TBC1D12: variants seen among roughly 807,000 people sequenced by gnomAD.
The protein encoded by TBC1D12 is TBC1 domain family, member 12.
A neutral mutation model predicts 86.7 loss-of-function variants in TBC1D12; 56 were observed. That is an observed-to-expected ratio of 0.65 (90% CI 0.52 to 0.81). The LOEUF (loss-of-function observed/expected upper bound fraction) is 0.81, where lower values mean the gene tolerates loss of function less well. TBC1D12 is among the 30% of genes least tolerant of loss of function. The probability of loss-of-function intolerance (pLI) is 0.00; values close to 1 mark genes in which losing one functional copy is unlikely to be tolerated. For synonymous variants in TBC1D12, 421 were observed against 411.7 expected, an observed-to-expected ratio of 1.02 and a Z score of -0.27; for missense variants, 1,023 against 1,038.8, an observed-to-expected ratio of 0.98 and a Z score of 0.21.
At chr10:94,523,983 TG>T (rs1204534754) in intron 11 of TBC1D12, among the ~76,000 whole-genome samples, 3 of 152,116 alleles carry the variant, frequency 2.0e-5, no homozygotes, top group African/African-American at 7.2e-5. Flanking sequence ...AAATTATGTA[TG>T]TTGCCAAATC....
intron 2 of TBC1D12, among the ~76,000 whole-genome samples, chr10:94,465,709 TATACGTATACATACATACATAC>T (rs1231687376): frequency 8.3e-6 from 1 of 120,612 alleles, no homozygotes; most frequent in African/African-American, 2.8e-5. Flanking sequence ...CATATATACG[TATACGTATACATACATACATAC>T]ATACGTATAC....
intron 2 of TBC1D12, among the ~76,000 whole-genome samples, chr10:94,448,427 T>C (rs1177313915): frequency 6.6e-6 from 1 of 152,206 alleles, no homozygotes; most frequent in East Asian, 1.9e-4. Flanking sequence ...AAACAATTAT[T>C]TCACTGATGT....
chr10:94,517,793 T>A (rs189615530), intron 9 of TBC1D12, among the ~76,000 whole-genome samples: 18 of 152,362 alleles, frequency 1.2e-4, no homozygotes, highest in African/African-American at 4.3e-4. Flanking sequence ...CACGAAAGTT[T>A]TATCTGTAGA....
intron 2 of TBC1D12, among the ~76,000 whole-genome samples, chr10:94,443,098 A>G (rs894412709): frequency 3.9e-5 from 6 of 152,160 alleles, no homozygotes; most frequent in African/African-American, 1.4e-4. Context: ...TAGCTGTTTA[A>G]CCAGAACCAA....
chr10:94,452,748 C>A (rs1231828208), intron 2 of TBC1D12, among the ~76,000 whole-genome samples: 1 of 152,124 alleles, frequency 6.6e-6, no homozygotes, highest in Non-Finnish European at 1.5e-5. Flanking sequence ...CTCTAGACTT[C>A]TGCGTGCAAT....
At chr10:94,504,947 A>G (rs573795247) in intron 6 of TBC1D12, among the ~76,000 whole-genome samples, 2 of 152,358 alleles carry the variant, frequency 1.3e-5, no homozygotes, top group South Asian at 2.1e-4. Flanking sequence ...TAAGTGTGAC[A>G]TGAGGACCTA....
At chr10:94,518,471 C>T (rs950944199) in intron 9 of TBC1D12, among the ~76,000 whole-genome samples, 3 of 152,098 alleles carry the variant, frequency 2.0e-5, no homozygotes, top group Non-Finnish European at 4.4e-5. Flanking sequence ...AGTTCCTCAG[C>T]CTTTTGTATG....
chr10:94,443,768 C>T (rs2055413319), intron 2 of TBC1D12, among the ~76,000 whole-genome samples: 1 of 152,138 alleles, frequency 6.6e-6, no homozygotes. Flanking sequence ...GTAAAAAAGT[C>T]AGCGTGGGAC....
chr10:94,459,108 TCC>T (rs1173438797), intron 2 of TBC1D12, among the ~76,000 whole-genome samples: 2 of 151,086 alleles, frequency 1.3e-5, no homozygotes, highest in African/African-American at 4.9e-5. Context: ...AGCTGATTGG[TCC>T]ATTTTACAGA....
At chr10:94,520,369 A>T (rs1222715792) in intron 9 of TBC1D12, among the ~76,000 whole-genome samples, 1 of 152,044 alleles carries the variant, frequency 6.6e-6, no homozygotes, top group Non-Finnish European at 1.5e-5. Context: ...CCTGACCAAC[A>T]TGGAGAAACC....
At chr10:94,531,066 G>A in intron 11 of TBC1D12, 136 bp from the exon 12 acceptor site, 3 of 981,626 alleles carry the variant, frequency 3.1e-6, no homozygotes, top group Non-Finnish European at 4.4e-6. Flanking sequence ...CACCGTGTTG[G>A]CCAGGATGGG....
At chr10:94,493,793 A>G (rs1433091005) in intron 4 of TBC1D12, among the ~76,000 whole-genome samples, 1 of 152,056 alleles carries the variant, frequency 6.6e-6, no homozygotes, top group Non-Finnish European at 1.5e-5. Flanking sequence ...TATTTTTATA[A>G]TTAAGTTTGT....
chr10:94,507,085 A>G (rs2056469210), intron 6 of TBC1D12, among the ~76,000 whole-genome samples, 182 bp from the exon 7 acceptor site: 2 of 152,132 alleles, frequency 1.3e-5, no homozygotes, highest in Non-Finnish European at 2.9e-5. Flanking sequence ...AATTTTATTT[A>G]CTTTCTTTCT....
At chr10:94,450,608 G>C (rs77208533) in intron 2 of TBC1D12, among the ~76,000 whole-genome samples, 2,125 of 152,134 alleles carry the variant, frequency 0.014, 50 homozygotes, top group East Asian at 0.06. Context: ...ATTCTGGAGG[G>C]ATTATAGGAG....
chr10:94,465,672 G>GTGTGTA (rs2055798628), intron 2 of TBC1D12, among the ~76,000 whole-genome samples: 1 of 44,424 alleles, frequency 2.3e-5, no homozygotes, highest in African/African-American at 6.0e-5. Context: ...ATATATATAT[G>GTGTGTA]TGTGTGTGTG....
At chr10:94,448,095 C>T (rs1249191680) in intron 2 of TBC1D12, among the ~76,000 whole-genome samples, 1 of 151,796 alleles carries the variant, frequency 6.6e-6, no homozygotes, top group African/African-American at 2.4e-5. Flanking sequence ...TTTTGACAGG[C>T]AAGGAAAAAA....
intron 6 of TBC1D12, among the ~76,000 whole-genome samples, chr10:94,506,299 A>G (rs2134198755): frequency 6.6e-6 from 1 of 152,326 alleles, no homozygotes. Context: ...TCGGCCTCCC[A>G]AAGTGCTGGG....
rs141997112 is a variant in TBC1D12, at chr10:94,470,743, T to C, written c.1096-3925T>C. Among the ~76,000 whole-genome samples, 1,110 of 150,542 alleles carry C rather than the reference T, an allele frequency of 7.4e-3. 52 individuals are homozygous for C. Among genetic ancestry groups the C allele is most frequent in the Admixed American group, 0.059 (890 of 14,992 alleles). ...TTTTTAATCCAGGAGTGCTGCTATATAATTTGTAATTCTGATTGCATTAGG... is the reference window on the plus strand; with the variant it reads ...TTTTTAATCCAGGAGTGCTGCTATACAATTTGTAATTCTGATTGCATTAGG... On this transcript the variant is annotated intron_variant, in intron 2 of 12. Coordinates refer to ENST00000225235, the MANE Select transcript of TBC1D12 (RefSeq NM_015188.2).
chr10:94,465,884 G>GTATATATATATATACGCA (rs2055811045), intron 2 of TBC1D12, among the ~76,000 whole-genome samples: 1 of 150,028 alleles, frequency 6.7e-6, no homozygotes, highest in African/African-American at 2.5e-5. Flanking sequence ...ATACATGTAT[G>GTATATATATATATACGCA]TATATACATA....
Sources: allele counts gnomAD v4.1 joint callset (sites outside exome capture counted in the v4.1 genomes callset), GRCh38; gene constraint gnomAD v4.1.1; transcripts MANE v1.5; gene names NCBI Gene and HGNC (gene_info 2026-07-23, HGNC 2026-07-21).